PROSER2: variants seen among roughly 807,000 people sequenced by gnomAD.
The protein encoded by PROSER2 is proline and serine rich 2, also known as proline and serine-rich protein 2.
A neutral mutation model predicts 14.6 loss-of-function variants in PROSER2; 18 were observed. That is an observed-to-expected ratio of 1.23 (90% CI 0.85 to 1.83). PROSER2 has a LOEUF of 1.83. Among genes scored for constraint, PROSER2 ranks in the 40% most tolerant of loss-of-function variants. The pLI, the probability that PROSER2 is intolerant of heterozygous loss-of-function variation, is 0.00. For missense variants in PROSER2, 823 were observed against 629.8 expected, an observed-to-expected ratio of 1.31 and a Z score of -3.28; for synonymous variants, 367 against 286.4, an observed-to-expected ratio of 1.28 and a Z score of -2.84.
At position 11,836,484 on chromosome 10, in the gene PROSER2, A is replaced by G. The variant is rs1200110731; in HGVS notation, c.-82+13014A>G. ...AGTGCTGGGATTACAGGTGTGAGCC[A>G]CCACGCCTGGCCAGGATGTCGCTTT... is the stretch of plus-strand genomic sequence containing the variant. On this transcript the variant is annotated intron_variant, in intron 1 of 3. Transcript: ENST00000277570. This position sits in a 1 kb window ranked among gnomAD's most constrained non-coding sequence, Gnocchi z 4.6. Among the ~76,000 whole-genome samples, 1 of 152,150 alleles carries G rather than the reference A, an allele frequency of 6.6e-6. No homozygotes were observed. Among genetic ancestry groups the G allele is most frequent in the Non-Finnish European group, 1.5e-5 (1 of 68,018 alleles).
intron 1 of PROSER2, among the ~76,000 whole-genome samples, chr10:11,843,851 C>CAAAAAAAA (rs1233206645): frequency 6.7e-6 from 1 of 148,954 alleles, no homozygotes. Flanking sequence ...AACTCCATCT[C>CAAAAAAAA]AAAAAAAAGA....
intron 1 of PROSER2, among the ~76,000 whole-genome samples, chr10:11,842,176 C>T (rs1055067660): frequency 5.3e-5 from 8 of 150,804 alleles, no homozygotes; most frequent in Non-Finnish European, 8.8e-5. Context: ...GAGCTGAGAT[C>T]GCGCCACTGC....
chr10:11,863,607 C>A (rs1251941799), intron 2 of PROSER2, among the ~76,000 whole-genome samples: 2 of 152,034 alleles, frequency 1.3e-5, no homozygotes, highest in African/African-American at 4.8e-5. Flanking sequence ...GTCAAATAGT[C>A]TATAAGGTTT....
rs960388592 is a variant in PROSER2 at position 11,871,650 on chromosome 10, G to A, written c.*1244G>A. The A allele has an allele frequency of 6.6e-6, 1 of 152,214 alleles. No homozygotes were observed. Among genetic ancestry groups the A allele is most frequent in the African/African-American group, 2.4e-5 (1 of 41,450 alleles). The allele number at this position is 152,214 out of a possible 1,614,324, so 9.4% of individuals were successfully genotyped here. On this transcript the variant is annotated 3_prime_UTR_variant, in exon 4 of 4. Coordinates refer to ENST00000277570, the MANE Select transcript of PROSER2 (RefSeq NM_153256.4). ...CCTCCCAGACTATGTCTTACACGCT[G>A]AGTTATGCCACAAGCGTTATCATCA...
At chr10:11,868,976 A>G (rs1381636433) in intron 3 of PROSER2, among the ~76,000 whole-genome samples, 2 of 152,226 alleles carry the variant, frequency 1.3e-5, no homozygotes, top group Non-Finnish European at 2.9e-5. Context: ...AGACAGATGC[A>G]TAAGTACAGC....
intron 1 of PROSER2, among the ~76,000 whole-genome samples, chr10:11,832,638 C>T (rs1421498225): frequency 6.6e-6 from 1 of 152,096 alleles, no homozygotes; most frequent in Non-Finnish European, 1.5e-5. Flanking sequence ...CTCCACCGCC[C>T]CATGTCCCGA....
chr10:11,825,534 C>T (rs1179436120), intron 1 of PROSER2, among the ~76,000 whole-genome samples: 1 of 152,196 alleles, frequency 6.6e-6, no homozygotes, highest in Non-Finnish European at 1.5e-5. Context: ...CATAGGAAAG[C>T]CTGTGTTCAT....
rs1834498006 is a variant in PROSER2 at position 11,871,981 on chromosome 10, C to T, written c.*1575C>T. The stretch of plus-strand genomic sequence containing the variant: ...TTCCTGATCTTAATTTAAATAGGTG[C>T]TTTAATTTTACAGCTTTCAAAAGTA... On this transcript the variant is annotated 3_prime_UTR_variant, in exon 4 of 4. Coordinates refer to ENST00000277570, the MANE Select transcript of PROSER2 (RefSeq NM_153256.4). The T allele has an allele frequency of 6.6e-6, 1 of 152,196 alleles. No individual in the cohort carries two copies. Among genetic ancestry groups the T allele is most frequent in the Non-Finnish European group, 1.5e-5 (1 of 68,034 alleles). The allele number at this position is 152,196 out of a possible 1,614,324, so 9.4% of individuals were successfully genotyped here.
intron 1 of PROSER2, among the ~76,000 whole-genome samples, chr10:11,840,291 T>C (rs1833818537): frequency 6.6e-6 from 1 of 151,888 alleles, no homozygotes; most frequent in Admixed American, 6.6e-5. Flanking sequence ...GAAAAACTCT[T>C]ATTTAGTTAA....
chr10:11,852,666 G>A (rs896564396), intron 2 of PROSER2, among the ~76,000 whole-genome samples: 31 of 148,010 alleles, frequency 2.1e-4, no homozygotes, highest in Admixed American at 6.1e-4. Context: ...TTACAGGCTC[G>A]TGCCACCACA....
intron 1 of PROSER2, among the ~76,000 whole-genome samples, chr10:11,832,603 C>T (rs535820014): frequency 6.6e-6 from 1 of 152,260 alleles, no homozygotes; most frequent in East Asian, 1.9e-4. Context: ...GTCCTTTCTA[C>T]TGCTGTGTGT....
intron 2 of PROSER2, among the ~76,000 whole-genome samples, chr10:11,858,139 A>G (rs1834159613): frequency 6.6e-6 from 1 of 152,172 alleles, no homozygotes. Flanking sequence ...GGGTTTCACC[A>G]TGTTGGCCAG....
chr10:11,833,235 C>CTTCTTTTTTT (rs1308956854), intron 1 of PROSER2, among the ~76,000 whole-genome samples: 1 of 87,668 alleles, frequency 1.1e-5, no homozygotes, highest in Non-Finnish European at 2.0e-5. Flanking sequence ...AATGTTGTGG[C>CTTCTTTTTTT]TTTTTTTTTT....
intron 2 of PROSER2, among the ~76,000 whole-genome samples, chr10:11,860,552 T>C (rs1834216041): frequency 6.6e-6 from 1 of 151,874 alleles, no homozygotes; most frequent in African/African-American, 2.4e-5. Flanking sequence ...GAGGCGGAGA[T>C]TGCAGTGAGC....
In PROSER2 at chr10:11,866,049, G is replaced by C. The variant is rs370464314; in HGVS notation, c.139-482G>C. ...TTCAGGTTCCCCAAAGATGATGCGT[G>C]CTCCACCATCTCTCTTCCTGTTATT... On this transcript the variant is annotated intron_variant, in intron 2 of 3. Transcript: ENST00000277570. This position sits in a 1 kb window ranked among gnomAD's most constrained non-coding sequence, Gnocchi z 6.0. Among the ~76,000 whole-genome samples the C allele has an allele frequency of 6.6e-6, 1 of 152,034 alleles. No individual in the cohort carries two copies. Among genetic ancestry groups the C allele is most frequent in the Admixed American group, 6.6e-5 (1 of 15,262 alleles).
chr10:11,841,283 C>T (rs1421402520), intron 1 of PROSER2, among the ~76,000 whole-genome samples: 1 of 152,092 alleles, frequency 6.6e-6, no homozygotes, highest in East Asian at 1.9e-4. Flanking sequence ...ACACCCATGG[C>T]ACCTACAGTT....
In PROSER2 at chr10:11,837,311, G is replaced by A. The variant is rs141188485; in HGVS notation, c.-82+13841G>A. ...AAGAAGGAAAAAGAAATTTATATTA[G>A]TTTTGCTGTCACACTTCATACGTTC... On this transcript the variant is annotated intron_variant, in intron 1 of 3. Coordinates refer to ENST00000277570, the MANE Select transcript of PROSER2 (RefSeq NM_153256.4). The surrounding 1 kb of genome is among the most constrained non-coding windows in gnomAD (Gnocchi z 4.6). Among the ~76,000 whole-genome samples the A allele has an allele frequency of 6.6e-6, 1 of 152,318 alleles. No individual in the cohort carries two copies. The highest frequency in any genetic ancestry group is 2.4e-5 in the African/African-American group (1 of 41,582).
At chr10:11,827,817 T>G (rs1833636727) in intron 1 of PROSER2, among the ~76,000 whole-genome samples, 1 of 151,864 alleles carries the variant, frequency 6.6e-6, no homozygotes, top group African/African-American at 2.4e-5. Flanking sequence ...TAGCTGGGAC[T>G]ACGGGTGCGT....
At chr10:11,826,319 A>G (rs1588480709) in intron 1 of PROSER2, among the ~76,000 whole-genome samples, 1 of 152,300 alleles carries the variant, frequency 6.6e-6, no homozygotes. Flanking sequence ...GCTATTGTGA[A>G]TAGTACTGCT....
Sources: allele counts gnomAD v4.1 joint callset (sites outside exome capture counted in the v4.1 genomes callset), GRCh38; gene constraint gnomAD v4.1.1; non-coding constraint Gnocchi (gnomAD v3.1); transcripts MANE v1.5; gene names NCBI Gene and HGNC (gene_info 2026-07-23, HGNC 2026-07-21).